The following EPG5 variants were observed in gnomAD, a reference collection of about 807,000 sequenced individuals.
The protein encoded by EPG5 is ectopic P granules protein 5 homolog.
In EPG5, 159 loss-of-function variants were observed where a neutral mutation model predicts 302.7. The ratio of observed to expected loss-of-function variants is 0.53; its 90% CI spans 0.46 to 0.60. The LOEUF is 0.60. EPG5 is among the 20% of genes least tolerant of loss of function. The probability of loss-of-function intolerance (pLI) is 0.00; values close to 1 mark genes in which losing one functional copy is unlikely to be tolerated. For missense variants in EPG5, 2,896 were observed against 3,092.4 expected, an observed-to-expected ratio of 0.94 and a Z score of 1.51; for synonymous variants, 1,158 against 1,136.8, an observed-to-expected ratio of 1.02 and a Z score of -0.37.
At chr18:45,826,908 CTGTT>C in the EPG5 span, among the ~76,000 whole-genome samples, 22 of 152,234 alleles carry the variant, frequency 1.4e-4, no homozygotes, top group East Asian at 3.9e-4. Context: ...GAAAGGAACT[CTGTT>C]TGTTTGTTTG....
chr18:45,814,018 A>T, the EPG5 span, among the ~76,000 whole-genome samples: 9 of 152,176 alleles, frequency 5.9e-5, no homozygotes, highest in African/African-American at 1.9e-4. Flanking sequence ...GAAATGGGAG[A>T]GGTTATCTAC....
intron 17 of EPG5, 85 bp downstream of exon 17, chr18:45,917,594 T>C: frequency 6.5e-7 from 1 of 1,529,166 alleles, no homozygotes; most frequent in Non-Finnish European, 9.0e-7. Context: ...TTCCCTTTAT[T>C]TTACTTAAGA....
Position 45,916,872 on chromosome 18 carries a change from C to T in EPG5, c.3240-290G>A, listed in dbSNP as rs1408202533. The T allele has an allele frequency of 9.5e-4, 198 of 208,606 alleles. 3 individuals are homozygous for T. The highest frequency in any genetic ancestry group is 1.5e-4 in the Non-Finnish European group (15 of 102,552). 12.9% of individuals were successfully genotyped at this position (208,606 alleles called of 1,614,324 possible). On this transcript the variant is annotated intron_variant, in intron 17 of 43. Transcript: ENST00000282041. The stretch of plus-strand genomic sequence containing the variant: ...AGGCACCACTCTCCCCTCCTCACTC[C>T]CCAACTCCATGAATAAAGGCAGAGA...
chr18:45,876,120 TCA>T, intron 35 of EPG5, 114 bp downstream of exon 35: 1 of 687,602 alleles, frequency 1.5e-6, no homozygotes, highest in Non-Finnish European at 2.5e-6. Flanking sequence ...CGACTTTTCT[TCA>T]GTCACAAATA....
At chr18:45,935,715 G>A (rs2050508792) in intron 10 of EPG5, among the ~76,000 whole-genome samples, 1 of 152,132 alleles carries the variant, frequency 6.6e-6, no homozygotes, top group African/African-American at 2.4e-5. Flanking sequence ...TGTGCAGTGG[G>A]TGGGAGGAAA....
At chr18:45,840,225 C>A in the EPG5 span, 1 of 1,612,836 alleles carries the variant, frequency 6.2e-7, no homozygotes, top group South Asian at 1.1e-5. Context: ...TCTGGACACC[C>A]CGGACACCCC....
At chr18:45,813,229 C>T in the EPG5 span, among the ~76,000 whole-genome samples, 1 of 152,114 alleles carries the variant, frequency 6.6e-6, no homozygotes, top group Non-Finnish European at 1.5e-5. Flanking sequence ...CCATCTCACA[C>T]CAGTTAGAAT....
the EPG5 span, chr18:45,829,251 T>C: frequency 1.4e-6 from 1 of 725,468 alleles, no homozygotes; most frequent in Middle Eastern, 7.1e-4. Context: ...GGAAGCCAGA[T>C]AACCCTGAAG....
intron 36 of EPG5, 129 bp downstream of exon 36, chr18:45,870,438 A>G (rs2048844141): frequency 8.9e-6 from 6 of 677,582 alleles, no homozygotes; most frequent in Middle Eastern, 4.7e-4. Flanking sequence ...GGCACCACCG[A>G]GGCAACACAG....
At chr18:45,806,201 T>C in the EPG5 span, among the ~76,000 whole-genome samples, 9 of 152,304 alleles carry the variant, frequency 5.9e-5, no homozygotes, top group East Asian at 1.7e-3. Context: ...CCAAATTAGC[T>C]AGTTTGGGGG....
intron 27 of EPG5, among the ~76,000 whole-genome samples, chr18:45,892,504 G>C (rs1355357326): frequency 6.6e-6 from 1 of 152,160 alleles, no homozygotes; most frequent in African/African-American, 2.4e-5. Flanking sequence ...CCCTCAGTGG[G>C]TCTTTTCCAT....
chr18:45,824,093 C>T, the EPG5 span, among the ~76,000 whole-genome samples: 2 of 152,010 alleles, frequency 1.3e-5, no homozygotes, highest in Non-Finnish European at 1.5e-5. Flanking sequence ...GCAAAGATGG[C>T]TTGGGAACTG....
chr18:45,887,480 T>C (rs925105611), intron 29 of EPG5, among the ~76,000 whole-genome samples: 4 of 152,238 alleles, frequency 2.6e-5, no homozygotes, highest in Admixed American at 1.3e-4. Flanking sequence ...GATTTAGTAC[T>C]GTTATTGTTA....
At chr18:45,901,765 C>CCACACACACACACA (rs58432761) in intron 25 of EPG5, among the ~76,000 whole-genome samples, 1 of 146,660 alleles carries the variant, frequency 6.8e-6, no homozygotes, top group African/African-American at 2.5e-5. Flanking sequence ...CAATCCTGTG[C>CCACACACACACACA]CACACACACA....
At chr18:45,810,459 T>C in the EPG5 span, among the ~76,000 whole-genome samples, 4 of 152,066 alleles carry the variant, frequency 2.6e-5, no homozygotes, top group Non-Finnish European at 5.9e-5. Flanking sequence ...GATGCTAAAA[T>C]CTTTAACAAA....
chr18:45,959,399 C>A (rs2051099361), intron 1 of EPG5, among the ~76,000 whole-genome samples: 1 of 151,898 alleles, frequency 6.6e-6, no homozygotes, highest in African/African-American at 2.4e-5. Flanking sequence ...GTAATCCCAG[C>A]ACTTTGGAAG....
the EPG5 span, among the ~76,000 whole-genome samples, chr18:45,831,226 G>A: frequency 1.3e-5 from 2 of 152,212 alleles, no homozygotes; most frequent in Non-Finnish European, 2.9e-5. Flanking sequence ...GCCTGCTGCC[G>A]TGTTGTGATG....
the EPG5 span, among the ~76,000 whole-genome samples, chr18:45,817,842 G>A: frequency 6.6e-6 from 1 of 152,206 alleles, no homozygotes; most frequent in Non-Finnish European, 1.5e-5. Context: ...TTAGAGGTGA[G>A]TCAATAAGGC....
the EPG5 span, among the ~76,000 whole-genome samples, chr18:45,805,872 G>C: frequency 2.6e-5 from 4 of 152,172 alleles, no homozygotes; most frequent in Non-Finnish European, 5.9e-5. Context: ...GCTAAAGGAA[G>C]AAATAGACAA....
Sources: gnomAD v4.1 joint callset for allele counts (sites outside exome capture counted in the v4.1 genomes callset) on GRCh38, gnomAD v4.1.1 for gene constraint, MANE v1.5 for transcripts, NCBI Gene and HGNC (gene_info 2026-07-23, HGNC 2026-07-21) for gene names.